OR2L2: variants seen among roughly 807,000 people sequenced by gnomAD.
OR2L2 encodes olfactory receptor 2L2.
For synonymous variants in OR2L2, 156 were observed against 135.4 expected (o/e 1.15, Z -1.06); for missense variants, 378 against 375.2 (o/e 1.01, Z -0.06).
rs1293879523 is a variant in OR2L2 at position 248,041,266 on chromosome 1, C to A, written c.*2060C>A. 1 of 152,062 alleles carries A rather than the reference C, an allele frequency of 6.6e-6. No homozygotes were observed. The highest frequency in any genetic ancestry group is 1.5e-5 in the Non-Finnish European group (1 of 67,996). 9.4% of individuals were successfully genotyped at this position (152,062 alleles called of 1,614,324 possible). A position where few individuals can be genotyped will look rare whatever the true frequency, so the allele number is the denominator to read the frequency against. ...AAAAACAAGCAATGGGGAAAGGATT[C>A]CCTATTTAATAAATGGTGCTGGGAA... is the stretch of plus-strand genomic sequence containing the variant. On this transcript the variant is annotated 3_prime_UTR_variant, in exon 3 of 3. Coordinates refer to ENST00000641771, the MANE Select transcript of OR2L2 (RefSeq NM_001385855.1).
chr1:248,038,711 G>T lies in OR2L2; in HGVS notation c.444G>T (p.Trp148Cys), dbSNP rs1449239859. The T allele has an allele frequency of 6.2e-7, 1 of 1,613,978 alleles. No homozygotes were observed. Among genetic ancestry groups the T allele is most frequent in the Non-Finnish European group, 8.5e-7 (1 of 1,180,016 alleles). Residue 148 changes from tryptophan to cysteine, a missense_variant, in exon 3 of 3, where the codon TGG becomes TGT. Coordinates refer to ENST00000641771, the MANE Select transcript of OR2L2 (RefSeq NM_001385855.1). Reference protein sequence around the residue: ...RVCVMMITGSWMISSINSCAH... With the variant: ...RVCVMMITGSCMISSINSCAH... ...GTGTGATGATGATAACAGGATCTTG[G>T]ATGATAAGCTCTATCAACTCTTGTG...
rs774293953 is a variant in OR2L2, at chr1:248,039,219, T to C, written c.*13T>C. The C allele has an allele frequency of 2.4e-5, 39 of 1,592,282 alleles. No individual in the cohort carries two copies. Among genetic ancestry groups the C allele is most frequent in the Non-Finnish European group, 3.3e-5 (39 of 1,169,544 alleles). ...AGTGAAAATGTAGACATACGTTCTG[T>C]GTTAGAGTCAAAGCGCTAGGTTCAT... is the stretch of plus-strand genomic sequence containing the variant. On this transcript the variant is annotated 3_prime_UTR_variant, in exon 3 of 3. Transcript: ENST00000641771.
intron 1 of OR2L2, among the ~76,000 whole-genome samples, chr1:248,031,844 G>A (rs1198249804): frequency 6.6e-6 from 1 of 152,028 alleles, no homozygotes; most frequent in East Asian, 1.9e-4. Flanking sequence ...TTTAAAAATA[G>A]GGTACTCAGT....
At chr1:248,031,637 T>G (rs1662624918) in intron 1 of OR2L2, among the ~76,000 whole-genome samples, 1 of 152,190 alleles carries the variant, frequency 6.6e-6, no homozygotes, top group Admixed American at 6.5e-5. Context: ...TGAGGCAATC[T>G]CCTAGTGGGA....
rs1343314176 is a variant in OR2L2 at position 248,030,205 on chromosome 1, C to G, written c.-127C>G. 1 of 152,066 alleles carries G rather than the reference C, an allele frequency of 6.6e-6. No individual in the cohort carries two copies. The highest frequency in any genetic ancestry group is 1.5e-5 in the Non-Finnish European group (1 of 67,994). The allele number at this position is 152,066 out of a possible 1,614,324, so 9.4% of individuals were successfully genotyped here. On this transcript the variant is annotated 5_prime_UTR_variant, in exon 1 of 3. Coordinates refer to ENST00000641771, the MANE Select transcript of OR2L2 (RefSeq NM_001385855.1). ...GACTGCCGTCAGCTAAGCAAAGGCACTGAGTGTTTGGAAATGAGGAAATAA... is the reference window on the plus strand; with the variant it reads ...GACTGCCGTCAGCTAAGCAAAGGCAGTGAGTGTTTGGAAATGAGGAAATAA...
In OR2L2 at chr1:248,038,768, T is replaced by C; in HGVS notation, c.501T>C (p.Tyr167=). 1 of 1,614,200 alleles carries C rather than the reference T, an allele frequency of 6.2e-7. No homozygotes were observed. The highest frequency in any genetic ancestry group is 8.5e-7 in the Non-Finnish European group (1 of 1,180,028). Residue 167 remains tyrosine, a synonymous_variant, in exon 3 of 3, where the codon TAT becomes TAC. Coordinates refer to ENST00000641771, the MANE Select transcript of OR2L2 (RefSeq NM_001385855.1). ...CAGTATATGCACTCTGTATCCCATA[T>C]TGCAAGTCCAGAGCCATCAATCATT... ...AHTVYALCIP[Y]CKSRAINHFF...
At chr1:248,037,777 G>A (rs1045749891) in intron 2 of OR2L2, among the ~76,000 whole-genome samples, 6 of 152,128 alleles carry the variant, frequency 3.9e-5, no homozygotes, top group Non-Finnish European at 7.4e-5. Context: ...GTAATCAAAT[G>A]CGGTCTGAAA....
chr1:248,042,018 G>T lies in OR2L2; in HGVS notation c.*2812G>T, dbSNP rs889591538. 9.2e-5 allele frequency: 14 copies of T among 152,056 alleles called. No individual in the cohort carries two copies. Among genetic ancestry groups the T allele is most frequent in the South Asian group, 2.1e-4 (1 of 4,832 alleles). 9.4% of individuals were successfully genotyped at this position (152,056 alleles called of 1,614,324 possible). A position where few individuals can be genotyped will look rare whatever the true frequency, so the allele number is the denominator to read the frequency against. ...TCCCATTACTGGGTATATAACCAAAGGACTATAAATCATGCTGCTATAAAG... is the reference window on the plus strand; with the variant it reads ...TCCCATTACTGGGTATATAACCAAATGACTATAAATCATGCTGCTATAAAG... On this transcript the variant is annotated 3_prime_UTR_variant, in exon 3 of 3. Coordinates refer to ENST00000641771, the MANE Select transcript of OR2L2 (RefSeq NM_001385855.1).
In OR2L2 at chr1:248,038,821, C is replaced by T. The variant is rs138290082; in HGVS notation, c.554C>T (p.Thr185Met). 1.8e-3 allele frequency: 2,864 copies of T among 1,614,130 alleles called. 2 individuals carry two copies. Among genetic ancestry groups the T allele is most frequent in the Non-Finnish European group, 2.2e-3 (2,592 of 1,180,020 alleles). The change falls in exon 3 of 3, where the codon ACG (threonine) becomes ATG (methionine). Residue 185 changes from threonine (T) to methionine (M), a missense_variant. Physicochemically the swap from Thr to Met is moderately conservative, Grantham distance 81. Coordinates refer to ENST00000641771, the MANE Select transcript of OR2L2 (RefSeq NM_001385855.1). ...TTCTGTGATGTTCCAGCTATGTTGA[C>T]GCTAGCCTGCACAGACACTTGGGTC... is the stretch of plus-strand genomic sequence containing the variant. ...HFFCDVPAML[T>M]LACTDTWVYE...
Position 248,038,637 on chromosome 1 carries a change from G to A in OR2L2, c.370G>A (p.Ala124Thr). The change falls in exon 3 of 3, where the codon GCC (alanine) becomes ACC (threonine). Residue 124 changes from alanine (A) to threonine (T), a missense_variant. By Grantham distance (58) the Ala-to-Thr change is moderately conservative. Transcript: ENST00000641771. ...ATCAATGGCCTATGATCGTTATGTGGCCATTTGCTTTCCTCTCCACTATCC... is the reference window on the plus strand; with the variant it reads ...ATCAATGGCCTATGATCGTTATGTGACCATTTGCTTTCCTCTCCACTATCC... ...LTSMAYDRYV[A>T]ICFPLHYPIR... 6.2e-7 allele frequency: 1 copy of A among 1,614,128 alleles called. No homozygotes were observed. Among genetic ancestry groups the A allele is most frequent in the East Asian group, 2.2e-5 (1 of 44,878 alleles).
At chr1:248,036,254 TC>T (rs1177690198) in intron 2 of OR2L2, among the ~76,000 whole-genome samples, 3 of 152,142 alleles carry the variant, frequency 2.0e-5, no homozygotes, top group Non-Finnish European at 4.4e-5. Context: ...AGTTTTTTTT[TC>T]CTTCTGATAG....
chr1:248,041,217 T>C lies in OR2L2; in HGVS notation c.*2011T>C, dbSNP rs1222878348. On this transcript the variant is annotated 3_prime_UTR_variant, in exon 3 of 3. Transcript: ENST00000641771. The stretch of plus-strand genomic sequence containing the variant: ...AGAAATAACGCCGCATATCTACAAC[T>C]ATCTGATCTTTGACAAACCTGAGAA... 6.6e-6 allele frequency: 1 copy of C among 152,098 alleles called. No homozygotes were observed. The highest frequency in any genetic ancestry group is 1.5e-5 in the Non-Finnish European group (1 of 67,998). The allele number at this position is 152,098 out of a possible 1,614,324, so 9.4% of individuals were successfully genotyped here.
chr1:248,035,833 T>C, intron 2 of OR2L2, among the ~76,000 whole-genome samples: 1 of 152,136 alleles, frequency 6.6e-6, no homozygotes, highest in Non-Finnish European at 1.5e-5. Flanking sequence ...CATAATTACA[T>C]TCCACTTTAT....
At chr1:248,037,112 G>A (rs183211254) in intron 2 of OR2L2, among the ~76,000 whole-genome samples, 4 of 152,258 alleles carry the variant, frequency 2.6e-5, no homozygotes, top group South Asian at 2.1e-4. Flanking sequence ...ACATTTGATG[G>A]TGGTGGACAT....
chr1:248,034,721 C>T (rs931204929), intron 1 of OR2L2, among the ~76,000 whole-genome samples: 2 of 152,058 alleles, frequency 1.3e-5, no homozygotes, highest in African/African-American at 4.8e-5. Flanking sequence ...TTAAGTGTTT[C>T]GTTTCTTTCT....
chr1:248,038,920 G>A lies in OR2L2; in HGVS notation c.653G>A (p.Gly218Asp). Reference protein sequence around the residue: ...LPFTGIACSYGRVLLAVYRMH... With the variant: ...LPFTGIACSYDRVLLAVYRMH... ...TTCACTGGTATTGCATGTTCCTATG[G>A]CCGGGTTCTCCTTGCTGTCTACCGC... Residue 218 changes from glycine to aspartate, a missense_variant, in exon 3 of 3, where the codon GGC becomes GAC. Physicochemically the swap from Gly to Asp is moderately conservative, Grantham distance 94 (BLOSUM62 -1). Coordinates refer to ENST00000641771, the MANE Select transcript of OR2L2 (RefSeq NM_001385855.1). 6.2e-7 allele frequency: 1 copy of A among 1,614,058 alleles called. No homozygotes were observed. Among genetic ancestry groups the A allele is most frequent in the South Asian group, 1.1e-5 (1 of 91,080 alleles).
intron 2 of OR2L2, among the ~76,000 whole-genome samples, chr1:248,036,424 C>G (rs758673420): frequency 1.5e-4 from 23 of 152,024 alleles, no homozygotes; most frequent in Non-Finnish European, 3.1e-4. Flanking sequence ...ATCTTCATTC[C>G]TGAAAATAGG....
At position 248,039,915 on chromosome 1, in the gene OR2L2, C is replaced by T. The variant is rs1285982764; in HGVS notation, c.*709C>T. On this transcript the variant is annotated 3_prime_UTR_variant, in exon 3 of 3. Coordinates refer to ENST00000641771, the MANE Select transcript of OR2L2 (RefSeq NM_001385855.1). ...TATGTTTGTGGAGCAGCCAATTTGG[C>T]TTTAGAAAAACAAGAGTTTCTGTAT... The T allele has an allele frequency of 1.3e-5, 2 of 152,084 alleles. No homozygotes were observed. The highest frequency in any genetic ancestry group is 2.9e-5 in the Non-Finnish European group (2 of 68,020). 9.4% of individuals were successfully genotyped at this position (152,084 alleles called of 1,614,324 possible). A position where few individuals can be genotyped will look rare whatever the true frequency, so the allele number is the denominator to read the frequency against.
At chr1:248,037,340 A>G (rs192083161) in intron 2 of OR2L2, among the ~76,000 whole-genome samples, 120 of 152,302 alleles carry the variant, frequency 7.9e-4, no homozygotes, top group African/African-American at 2.8e-3. Flanking sequence ...GAATAAATTT[A>G]GTGAGAAAAA....
Sources: gnomAD v4.1 joint callset for allele counts (sites outside exome capture counted in the v4.1 genomes callset) on GRCh38, gnomAD v4.1.1 for gene constraint, MANE v1.5 for transcripts, NCBI Gene and HGNC (gene_info 2026-07-23, HGNC 2026-07-21) for gene names.